The following SEMA3A variants were observed in gnomAD, a reference collection of about 807,000 sequenced individuals.
The protein encoded by SEMA3A is semaphorin-3A.
SEMA3A carries 29 observed loss-of-function variants against 97.9 expected under a neutral mutation model. The observed-to-expected ratio is 0.30, with a 90% CI of 0.22 to 0.40. SEMA3A has a LOEUF of 0.40. Ranked by LOEUF, SEMA3A falls within the 10% of genes least tolerant of loss-of-function variation. The probability of loss-of-function intolerance (pLI) is 1.00; values close to 1 mark genes in which losing one functional copy is unlikely to be tolerated. For synonymous variants in SEMA3A, 321 were observed against 323.7 expected, an observed-to-expected ratio of 0.99 and a Z score of 0.09; for missense variants, 763 against 951.3, an observed-to-expected ratio of 0.80 and a Z score of 2.60.
intron 1 of SEMA3A, among the ~76,000 whole-genome samples, chr7:84,483,733 C>A (rs1806502331): frequency 6.7e-6 from 1 of 149,186 alleles, no homozygotes; most frequent in Non-Finnish European, 1.5e-5. Flanking sequence ...GAATAGACAA[C>A]CCATATCATA....
chr7:84,028,970 TTCTA>T (rs1321363557), intron 6 of SEMA3A, among the ~76,000 whole-genome samples: 1 of 152,158 alleles, frequency 6.6e-6, no homozygotes, highest in Non-Finnish European at 1.5e-5. Context: ...AACTTTGCAT[TTCTA>T]TATTATTGAT....
intron 4 of SEMA3A, among the ~76,000 whole-genome samples, chr7:84,085,436 G>T (rs1328766272): frequency 6.6e-6 from 1 of 151,972 alleles, no homozygotes; most frequent in Non-Finnish European, 1.5e-5. Flanking sequence ...CTGGATGAGG[G>T]CAATGAGTGA....
chr7:84,058,903 T>C (rs926329968), intron 5 of SEMA3A, among the ~76,000 whole-genome samples: 1 of 152,168 alleles, frequency 6.6e-6, no homozygotes, highest in Non-Finnish European at 1.5e-5. Context: ...CTTTGGGTGG[T>C]TGCATACCAT....
At chr7:84,169,305 G>A (rs1467996126) in intron 1 of SEMA3A, among the ~76,000 whole-genome samples, 3 of 151,236 alleles carry the variant, frequency 2.0e-5, no homozygotes, top group Non-Finnish European at 3.0e-5. Flanking sequence ...ATTCAAGAGT[G>A]AAAGCCTAAG....
In SEMA3A at chr7:84,011,270, C is replaced by G; in HGVS notation, c.838G>C (p.Val280Leu). The change falls in exon 8 of 17, where the codon GTG becomes CTG. Residue 280 changes from valine to leucine, a missense_variant. Coordinates refer to ENST00000265362, the MANE Select transcript of SEMA3A (RefSeq NM_006080.3). ...TTGAGGAATGTTGTCCATTTATTCA[C>G]CAGACTTCTGTGCCCTCCAAAGTCA... is the stretch of plus-strand genomic sequence containing the variant. ...KNDFGGHRSL[V>L]NKWTTFLKAR... 1 of 1,613,800 alleles carries G rather than the reference C, an allele frequency of 6.2e-7. No homozygotes were observed. Among genetic ancestry groups the G allele is most frequent in the Non-Finnish European group, 8.5e-7 (1 of 1,179,740 alleles).
At chr7:84,275,426 G>A (rs914343085) in intron 3 of SEMA3A, among the ~76,000 whole-genome samples, 2 of 152,016 alleles carry the variant, frequency 1.3e-5, no homozygotes, top group East Asian at 3.9e-4. Context: ...ATACTTTATT[G>A]TTCTAATCCA....
In SEMA3A at chr7:84,048,371, T is replaced by C. The variant is rs572491295; in HGVS notation, c.548-1928A>G. Among the ~76,000 whole-genome samples, 6 of 152,140 alleles carry C rather than the reference T, an allele frequency of 3.9e-5. No individual in the cohort carries two copies. The South Asian group carries it at 1.2e-3, about 31-fold the overall frequency. ...CCACTTTGAAATACATAAATGCCTATTGTCTCCTTAATATTAACCAATATT... is the reference window on the plus strand; with the variant it reads ...CCACTTTGAAATACATAAATGCCTACTGTCTCCTTAATATTAACCAATATT... On this transcript the variant is annotated intron_variant, in intron 5 of 16. Coordinates refer to ENST00000265362, the MANE Select transcript of SEMA3A (RefSeq NM_006080.3).
chr7:84,456,147 G>C lies in SEMA3A; in HGVS notation c.-246+36313C>G, dbSNP rs183638760. 2.5e-3 allele frequency among the ~76,000 whole-genome samples: 384 copies of C among 151,850 alleles called. 3 individuals are homozygous for C. Among genetic ancestry groups the C allele is most frequent in the Non-Finnish European group, 3.2e-3 (220 of 67,768 alleles). On this transcript the variant is annotated intron_variant, in intron 1 of 3. Coordinates refer to the SEMA3A transcript ENST00000424555. Reference sequence around the variant, plus strand: ...TTATTTCATGCGCTTCACAACTTAAGATCTCCTATGAGAAAAAAATATTAA... The same window carrying C: ...TTATTTCATGCGCTTCACAACTTAACATCTCCTATGAGAAAAAAATATTAA...
chr7:84,061,279 C>A (rs1404863883), intron 4 of SEMA3A, among the ~76,000 whole-genome samples: 1 of 152,132 alleles, frequency 6.6e-6, no homozygotes, highest in Admixed American at 6.6e-5. Context: ...CAGGAATGAA[C>A]TTTTGACTAC....
intron 3 of SEMA3A, among the ~76,000 whole-genome samples, chr7:84,121,466 G>T (rs1795613667): frequency 6.6e-6 from 1 of 151,208 alleles, no homozygotes; most frequent in Middle Eastern, 3.4e-3. Flanking sequence ...GCAGTGTTTG[G>T]TTTTCTGTCC....
chr7:83,969,510 A>G (rs1259829228), intron 15 of SEMA3A, among the ~76,000 whole-genome samples: 1 of 152,216 alleles, frequency 6.6e-6, no homozygotes, highest in African/African-American at 2.4e-5. Flanking sequence ...TGTTTGCTAA[A>G]TGGCAAATCC....
In SEMA3A at chr7:84,313,354, G is replaced by A. The variant is rs13247921; in HGVS notation, c.-168-6062C>T. On this transcript the variant is annotated intron_variant, in intron 2 of 3. Coordinates refer to the SEMA3A transcript ENST00000424555. ...CATATATATATATGTATATGTGTGT[G>A]TGTATATATATATATATATATATAT... Among the ~76,000 whole-genome samples, 227 of 36,764 alleles carry A rather than the reference G, an allele frequency of 6.2e-3. 11 individuals are homozygous for A. Among genetic ancestry groups the A allele is most frequent in the African/African-American group, 0.014 (128 of 8,900 alleles). 24.1% of individuals were successfully genotyped at this position (36,764 alleles called of 152,430 possible).
At chr7:84,002,722 A>G (rs1038580603) in intron 11 of SEMA3A, among the ~76,000 whole-genome samples, 4 of 152,134 alleles carry the variant, frequency 2.6e-5, no homozygotes, top group African/African-American at 9.6e-5. Flanking sequence ...AAAAATGTAC[A>G]CTTTGATTAA....
chr7:84,282,691 C>T (rs1396652176), intron 3 of SEMA3A, among the ~76,000 whole-genome samples: 1 of 152,042 alleles, frequency 6.6e-6, no homozygotes. Flanking sequence ...GAAAACCCCA[C>T]CAAAACTAAA....
At chr7:84,064,182 G>A (rs1292363317) in intron 4 of SEMA3A, among the ~76,000 whole-genome samples, 2 of 151,902 alleles carry the variant, frequency 1.3e-5, no homozygotes, top group African/African-American at 2.4e-5. Flanking sequence ...CTTCATAAGC[G>A]AAGGAGAAAT....
chr7:83,987,059 TG>T (rs1344485542), intron 12 of SEMA3A, among the ~76,000 whole-genome samples: 1 of 151,108 alleles, frequency 6.6e-6, no homozygotes, highest in Non-Finnish European at 1.5e-5. Flanking sequence ...TTCTTATTAC[TG>T]GTTATATACC....
At chr7:84,252,266 T>A (rs1000929990) in intron 3 of SEMA3A, among the ~76,000 whole-genome samples, 7 of 152,194 alleles carry the variant, frequency 4.6e-5, no homozygotes, top group African/African-American at 1.4e-4. Context: ...ATTGCTGAAG[T>A]GTAGCATCAC....
At chr7:84,412,831 A>G (rs1013465563) in intron 1 of SEMA3A, among the ~76,000 whole-genome samples, 9 of 152,132 alleles carry the variant, frequency 5.9e-5, no homozygotes, top group African/African-American at 4.8e-5. Flanking sequence ...TCTCCCAGCT[A>G]TAGTTTTTTA....
intron 6 of SEMA3A, among the ~76,000 whole-genome samples, chr7:84,026,692 C>G (rs574274230): frequency 6.6e-6 from 1 of 152,286 alleles, no homozygotes; most frequent in Middle Eastern, 3.4e-3. Flanking sequence ...AGATCATGTC[C>G]TGTAGGAACA....
Sources: gnomAD v4.1 joint callset for allele counts (sites outside exome capture counted in the v4.1 genomes callset) on GRCh38, gnomAD v4.1.1 for gene constraint, MANE v1.5 for transcripts, NCBI Gene and HGNC (gene_info 2026-07-23, HGNC 2026-07-21) for gene names.